Variants in SLC35F1 observed in about 807,000 individuals in gnomAD.
SLC35F1 encodes the protein chromosome 6 open reading frame 169.
SLC35F1 carries 14 observed loss-of-function variants against 48.7 expected under a neutral mutation model. That is an observed-to-expected ratio of 0.29 (90% CI 0.19 to 0.45). The LOEUF (loss-of-function observed/expected upper bound fraction) is 0.45. Among genes scored for constraint, SLC35F1 ranks in the 20% least tolerant of loss-of-function variants. SLC35F1 has a pLI of 1.00. For synonymous variants in SLC35F1, 190 were observed against 202.2 expected (o/e 0.94, Z 0.51); for missense variants, 404 against 500.0 (o/e 0.81, Z 1.83).
At chr6:117,966,177 G>C (rs570027234) in intron 1 of SLC35F1, among the ~76,000 whole-genome samples, 3 of 127,700 alleles carry the variant, frequency 2.3e-5, no homozygotes, top group Non-Finnish European at 4.7e-5. Context: ...GCGGTACCCT[G>C]CTGGGGTCCC....
intron 1 of SLC35F1, among the ~76,000 whole-genome samples, chr6:118,128,819 AT>A (rs1027949215): frequency 2.3e-5 from 3 of 131,422 alleles, no homozygotes; most frequent in Non-Finnish European, 5.4e-5. Context: ...AATAATAAAA[AT>A]AAATAAATAA....
At chr6:117,912,604 A>C (rs1287748081) in intron 1 of SLC35F1, among the ~76,000 whole-genome samples, 5 of 152,218 alleles carry the variant, frequency 3.3e-5, no homozygotes, top group Admixed American at 6.5e-5. Flanking sequence ...ATCAGCTAGT[A>C]ATGAGGTTGA....
chr6:118,035,707 T>TTTC (rs1457594993), intron 1 of SLC35F1, among the ~76,000 whole-genome samples: 1 of 142,380 alleles, frequency 7.0e-6, no homozygotes, highest in Admixed American at 6.8e-5. Context: ...TTTTTTTTTT[T>TTTC]GAGACGGAGT....
rs1220325373 is a variant in SLC35F1 at position 117,924,361 on chromosome 6, A to G, written c.173+16462A>G. ...TAGGTACACATGCATATGTATATAC[A>G]CACATAGGTACACATGCATATGTAT... On this transcript the variant is annotated intron_variant, in intron 1 of 7. Coordinates refer to ENST00000360388, the MANE Select transcript of SLC35F1 (RefSeq NM_001029858.4). Among the ~76,000 whole-genome samples, 9 of 142,632 alleles carry G rather than the reference A, an allele frequency of 6.3e-5. No individual in the cohort carries two copies. In the Admixed American group the frequency reaches 6.4e-4, roughly 10 times the overall value. The allele number at this position is 142,632 out of a possible 152,430, so 93.6% of individuals were successfully genotyped here.
At chr6:118,169,505 G>A (rs1386506867) in intron 2 of SLC35F1, among the ~76,000 whole-genome samples, 1 of 152,142 alleles carries the variant, frequency 6.6e-6, no homozygotes, top group Admixed American at 6.5e-5. Flanking sequence ...TAAATTTCAT[G>A]ATGATCTATT....
intron 2 of SLC35F1, among the ~76,000 whole-genome samples, chr6:118,212,732 A>T (rs1169444635): frequency 3.2e-5 from 1 of 31,350 alleles, no homozygotes; most frequent in African/African-American, 3.0e-4. Flanking sequence ...GAAGGAAAGG[A>T]AGGAAGGAAG....
At chr6:118,041,568 T>C (rs1469188548) in intron 1 of SLC35F1, among the ~76,000 whole-genome samples, 2 of 152,048 alleles carry the variant, frequency 1.3e-5, no homozygotes, top group Admixed American at 6.6e-5. Flanking sequence ...AGTAAATAAG[T>C]AAGTAAACAT....
At chr6:118,080,258 A>G (rs1772885989) in intron 1 of SLC35F1, among the ~76,000 whole-genome samples, 1 of 152,090 alleles carries the variant, frequency 6.6e-6, no homozygotes, top group Non-Finnish European at 1.5e-5. Context: ...TATTTGGCCA[A>G]TTTCTGGTCA....
chr6:117,975,316 A>C (rs1776691681), intron 1 of SLC35F1, among the ~76,000 whole-genome samples: 2 of 152,202 alleles, frequency 1.3e-5, no homozygotes, highest in African/African-American at 4.8e-5. Flanking sequence ...TTTTGATTAG[A>C]GTTAACTGCA....
At chr6:117,973,472 G>C (rs1021589799) in intron 1 of SLC35F1, among the ~76,000 whole-genome samples, 2 of 152,108 alleles carry the variant, frequency 1.3e-5, no homozygotes, top group African/African-American at 4.8e-5. Context: ...TTTCCTGAGA[G>C]CTGGTTTGAT....
intron 1 of SLC35F1, among the ~76,000 whole-genome samples, chr6:117,966,153 C>A (rs11752475): frequency 1.5e-5 from 2 of 134,880 alleles, no homozygotes; most frequent in East Asian, 2.2e-4. Context: ...ACTCCCGCCC[C>A]GCCCCAAGCA....
intron 1 of SLC35F1, among the ~76,000 whole-genome samples, chr6:118,036,714 T>C (rs1772136510): frequency 6.6e-6 from 1 of 152,144 alleles, no homozygotes; most frequent in African/African-American, 2.4e-5. Context: ...CATGCCACCA[T>C]ACCAGGCTAA....
intron 1 of SLC35F1, chr6:117,999,060 A>T (rs906381037): frequency 4.4e-5 from 66 of 1,500,334 alleles, no homozygotes; most frequent in Non-Finnish European, 5.5e-5. Context: ...TCACAAAGAT[A>T]CGAATCTCTT....
At chr6:118,197,022 C>CAA (rs59183480) in intron 2 of SLC35F1, among the ~76,000 whole-genome samples, 3 of 127,700 alleles carry the variant, frequency 2.3e-5, no homozygotes, top group African/African-American at 2.9e-5. Context: ...CTTGCCACAC[C>CAA]AAAAAAAAAA....
intron 1 of SLC35F1, among the ~76,000 whole-genome samples, chr6:117,918,648 T>C (rs1209380393): frequency 6.6e-6 from 1 of 152,182 alleles, no homozygotes; most frequent in African/African-American, 2.4e-5. Flanking sequence ...AAGTGTTATG[T>C]GTAAAGTTGA....
chr6:118,289,222 G>A (rs1190520469), intron 7 of SLC35F1, among the ~76,000 whole-genome samples: 1 of 152,132 alleles, frequency 6.6e-6, no homozygotes, highest in East Asian at 1.9e-4. Flanking sequence ...GTGTGGATAT[G>A]CCACAGTTTA....
chr6:118,049,545 G>C (rs1772353842), intron 1 of SLC35F1, among the ~76,000 whole-genome samples: 1 of 151,732 alleles, frequency 6.6e-6, no homozygotes, highest in African/African-American at 2.4e-5. Flanking sequence ...CCATCAAAAA[G>C]TGGGCAAAGG....
At position 117,980,483 on chromosome 6, in the gene SLC35F1, C is replaced by T. The variant is rs1330406513; in HGVS notation, c.173+72584C>T. Among the ~76,000 whole-genome samples the T allele has an allele frequency of 5.9e-5, 9 of 152,232 alleles. No individual in the cohort carries two copies. The South Asian group carries it at 1.5e-3, about 25-fold the overall frequency. On this transcript the variant is annotated intron_variant, in intron 1 of 7. Transcript: ENST00000360388. ...AAATACATTTCATTGGAGGATATTA[C>T]AATTTCTAGAAATGTTACTGGATAT...
At chr6:118,225,875 CA>C (rs376054711) in intron 2 of SLC35F1, among the ~76,000 whole-genome samples, 17 of 131,196 alleles carry the variant, frequency 1.3e-4, no homozygotes, top group Non-Finnish European at 1.9e-4. Context: ...GACTTTGTCT[CA>C]AAAAAAAAAA....
Sources: allele counts gnomAD v4.1 joint callset (sites outside exome capture counted in the v4.1 genomes callset), GRCh38; gene constraint gnomAD v4.1.1; transcripts MANE v1.5; gene names NCBI Gene and HGNC (gene_info 2026-07-23, HGNC 2026-07-21).